CCNB1: variants seen among roughly 807,000 people sequenced by gnomAD.
The protein encoded by CCNB1 is G2/mitotic-specific cyclin-B1.
In CCNB1, 26 loss-of-function variants were observed where a neutral mutation model predicts 44.4. The observed-to-expected ratio is 0.59, with a 90% CI of 0.43 to 0.81. The LOEUF (loss-of-function observed/expected upper bound fraction) is 0.81. Ranked by LOEUF, CCNB1 falls within the 40% of genes least tolerant of loss-of-function variation. The pLI, the probability that CCNB1 is intolerant of heterozygous loss-of-function variation, is 0.00. For synonymous variants in CCNB1, 195 were observed against 181.4 expected (o/e 1.08, Z -0.60); for missense variants, 477 against 520.9 (o/e 0.92, Z 0.82).
chr5:69,167,375 G>A (rs1469774858), intron 1 of CCNB1, 92 bp downstream of exon 1: 1 of 1,458,014 alleles, frequency 6.9e-7, no homozygotes, highest in South Asian at 1.1e-5. Context: ...AGCGGGAGAG[G>A]GCCGCAGGAG....
At chr5:69,176,664 C>G (rs897587599) in intron 7 of CCNB1, among the ~76,000 whole-genome samples, 4 of 151,080 alleles carry the variant, frequency 2.6e-5, no homozygotes, top group Non-Finnish European at 3.0e-5. Flanking sequence ...GCCATTGTGC[C>G]CGGCCTACCC....
intron 3 of CCNB1, among the ~76,000 whole-genome samples, chr5:69,170,233 G>C (rs1056676736): frequency 6.7e-6 from 1 of 148,228 alleles, no homozygotes. Flanking sequence ...TGCCTGCCTC[G>C]GCCTTCCAAA....
intron 7 of CCNB1, among the ~76,000 whole-genome samples, chr5:69,176,142 C>CT (rs1280576695): frequency 9.9e-5 from 15 of 151,760 alleles, no homozygotes; most frequent in Middle Eastern, 3.4e-3. Context: ...CCCACCTCCA[C>CT]TTACCAAAGT....
intron 7 of CCNB1, among the ~76,000 whole-genome samples, chr5:69,176,762 C>T (rs1434508770): frequency 2.0e-5 from 3 of 151,574 alleles, no homozygotes; most frequent in Admixed American, 6.6e-5. Flanking sequence ...GGGCAGATCA[C>T]GAGCTCAAAA....
Position 69,168,200 on chromosome 5 carries a change from G to C in CCNB1, c.220G>C (p.Val74Leu), listed in dbSNP as rs141602648. 1,671 of 1,614,150 alleles carry C rather than the reference G, an allele frequency of 1.0e-3. 2 individuals carry two copies. Among genetic ancestry groups the C allele is most frequent in the Non-Finnish European group, 1.3e-3 (1,575 of 1,180,040 alleles). Reference sequence around the variant, plus strand: ...AGCAAAACCTTCAGCTACTGGAAAAGTCATTGATAAAAAACTACCAAAACC... The same window carrying C: ...AGCAAAACCTTCAGCTACTGGAAAACTCATTGATAAAAAACTACCAAAACC... ...KEAKPSATGK[V>L]IDKKLPKPLE... Residue 74 changes from valine to leucine, a missense_variant, in exon 3 of 9, where the codon GTC becomes CTC. Physicochemically the swap from Val to Leu is conservative, Grantham distance 32 (BLOSUM62 1). Coordinates refer to ENST00000256442, the MANE Select transcript of CCNB1 (RefSeq NM_031966.4).
chr5:69,167,257 G>A lies in CCNB1; in HGVS notation c.-6G>A, dbSNP rs746399529. The A allele has an allele frequency of 2.5e-6, 4 of 1,571,452 alleles. No individual in the cohort carries two copies. The highest frequency in any genetic ancestry group is 3.4e-6 in the Non-Finnish European group (4 of 1,159,990). On this transcript the variant is annotated 5_prime_UTR_variant, in exon 1 of 9. Coordinates refer to ENST00000256442, the MANE Select transcript of CCNB1 (RefSeq NM_031966.4). Reference sequence around the variant, plus strand: ...CGCTGAGCTGCTGCCTGGTGAAGAGGAAGCCATGGCGCTCCGAGTCACCAG... The same window carrying A: ...CGCTGAGCTGCTGCCTGGTGAAGAGAAAGCCATGGCGCTCCGAGTCACCAG...
intron 4 of CCNB1, among the ~76,000 whole-genome samples, chr5:69,171,688 T>G (rs978472900): frequency 1.3e-5 from 2 of 152,160 alleles, no homozygotes; most frequent in Admixed American, 6.6e-5. Context: ...TATCGCTTTC[T>G]AAAGGAAAAT....
intron 7 of CCNB1, 55 bp from the exon 8 acceptor site, chr5:69,177,184 C>G: frequency 2.0e-6 from 2 of 998,560 alleles, no homozygotes; most frequent in Non-Finnish European, 3.2e-6. Flanking sequence ...CATCTAGAAA[C>G]TTTATGAAAA....
chr5:69,171,515 A>C, intron 4 of CCNB1, 63 bp downstream of exon 4: 1 of 1,172,368 alleles, frequency 8.5e-7, no homozygotes, highest in Non-Finnish European at 1.2e-6. Flanking sequence ...ATTTTCCATC[A>C]ATAGTTTATA....
rs1747348257 is a variant in CCNB1, at chr5:69,167,152, C to A, written c.-111C>A. On this transcript the variant is annotated 5_prime_UTR_variant, in exon 1 of 9. Transcript: ENST00000256442. ...CTGAGGCTAGGCTGGCTCTTCTCGG[C>A]GTGCTGCGGCGGAACGGCTGTTGGT... 1.2e-6 allele frequency: 1 copy of A among 866,016 alleles called. No individual in the cohort carries two copies. Among genetic ancestry groups the A allele is most frequent in the Non-Finnish European group, 1.8e-6 (1 of 566,560 alleles). The allele number at this position is 866,016 out of a possible 1,614,324, so 53.6% of individuals were successfully genotyped here.
chr5:69,174,182 G>A, intron 4 of CCNB1, 69 bp from the exon 5 acceptor site: 1 of 1,413,280 alleles, frequency 7.1e-7, no homozygotes, highest in Non-Finnish European at 9.9e-7. Context: ...GGAACTAACT[G>A]ATCTTTCTGG....
intron 7 of CCNB1, 25 bp downstream of exon 7, chr5:69,175,562 TA>T (rs1310796483): frequency 2.5e-6 from 4 of 1,603,454 alleles, no homozygotes; most frequent in Admixed American, 1.7e-5. Context: ...ACAGAACTCC[TA>T]AGCTTTTAAA....
chr5:69,168,411 A>C (rs1294749013), intron 3 of CCNB1, 68 bp downstream of exon 3: 2 of 1,544,384 alleles, frequency 1.3e-6, no homozygotes, highest in African/African-American at 2.7e-5. Context: ...TGATACATGC[A>C]AGAGCATTCA....
intron 3 of CCNB1, among the ~76,000 whole-genome samples, chr5:69,169,759 C>A (rs1747418114): frequency 6.6e-6 from 1 of 152,044 alleles, no homozygotes; most frequent in Admixed American, 6.5e-5. Flanking sequence ...TTCAGTGATT[C>A]TCCTGCTTCA....
In CCNB1 at chr5:69,168,204, T is replaced by C. The variant is rs1747380550; in HGVS notation, c.224T>C (p.Ile75Thr). The C allele has an allele frequency of 3.1e-6, 5 of 1,614,196 alleles. No individual in the cohort carries two copies. The South Asian group carries it at 3.3e-5, about 11-fold the overall frequency. Residue 75 changes from isoleucine to threonine, a missense_variant, in exon 3 of 9, where the codon ATT becomes ACT. Transcript: ENST00000256442. ...AAACCTTCAGCTACTGGAAAAGTCA[T>C]TGATAAAAAACTACCAAAACCTCTT... ...EAKPSATGKV[I>T]DKKLPKPLEK...
Position 69,178,091 on chromosome 5 carries a change from A to G in CCNB1, c.*460A>G, listed in dbSNP as rs986032898. The G allele has an allele frequency of 1.3e-5, 2 of 152,680 alleles. No individual in the cohort carries two copies. Among genetic ancestry groups the G allele is most frequent in the African/African-American group, 2.4e-5 (1 of 41,458 alleles). 9.5% of individuals were successfully genotyped at this position (152,680 alleles called of 1,614,324 possible). ...TCTGTTTCTTCTTGTGATTGCTGCC[A>G]TAATTCTAAGTTATTTACTTTTACC... On this transcript the variant is annotated 3_prime_UTR_variant, in exon 9 of 9. Coordinates refer to ENST00000256442, the MANE Select transcript of CCNB1 (RefSeq NM_031966.4).
Position 69,177,610 on chromosome 5 carries a change from C to G in CCNB1, c.1281C>G (p.Ala427=). 1 of 1,611,592 alleles carries G rather than the reference C, an allele frequency of 6.2e-7. No individual in the cohort carries two copies. The highest frequency in any genetic ancestry group is 1.1e-5 in the South Asian group (1 of 90,934). ...QLNSALVQDL[A]KAVAKV ...ATTCTGCACTAGTTCAAGATTTAGC[C>G]AAGGCTGTGGCAAAGGTGTAACTTG... The change falls in exon 9 of 9, where the codon GCC becomes GCG. Residue 427 remains alanine (A), a synonymous_variant. Transcript: ENST00000256442.
chr5:69,175,795 G>A (rs779526185), intron 7 of CCNB1, among the ~76,000 whole-genome samples: 2 of 151,834 alleles, frequency 1.3e-5, no homozygotes, highest in Non-Finnish European at 2.9e-5. Flanking sequence ...GGGATTACAG[G>A]TGTCTGTCTA....
intron 7 of CCNB1, among the ~76,000 whole-genome samples, chr5:69,175,752 T>G (rs1747571218): frequency 6.6e-6 from 1 of 151,928 alleles, no homozygotes. Context: ...GGTGCAGTCT[T>G]GGCCCACTGC....
Sources: allele counts gnomAD v4.1 joint callset (sites outside exome capture counted in the v4.1 genomes callset), GRCh38; gene constraint gnomAD v4.1.1; transcripts MANE v1.5; gene names NCBI Gene and HGNC (gene_info 2026-07-23, HGNC 2026-07-21).